The following WDR59 variants were observed in gnomAD, a reference collection of about 807,000 sequenced individuals.
The protein encoded by WDR59 is GATOR2 complex protein WDR59.
WDR59 carries 100 observed loss-of-function variants against 131.2 expected under a neutral mutation model. The ratio of observed to expected loss-of-function variants is 0.76; its 90% CI spans 0.65 to 0.90. The LOEUF is 0.90. Among genes scored for constraint, WDR59 ranks in the 40% least tolerant of loss-of-function variants. WDR59 has a pLI of 0.00. For missense variants in WDR59, 1,203 were observed against 1,262.2 expected, an observed-to-expected ratio of 0.95 and a Z score of 0.71; for synonymous variants, 601 against 466.2, an observed-to-expected ratio of 1.29 and a Z score of -3.72.
chr16:74,933,941 G>T (rs2031599254), intron 8 of WDR59, among the ~76,000 whole-genome samples: 1 of 152,180 alleles, frequency 6.6e-6, no homozygotes, highest in African/African-American at 2.4e-5. Flanking sequence ...CAGGTCCTAT[G>T]TTCAAAATAA....
Position 74,909,810 on chromosome 16 carries a change from C to T in WDR59, c.1485+12G>A. On this transcript the variant is annotated intron_variant, in intron 15 of 25. Transcript: ENST00000262144. ...AAAGCCTAAGTTGGTATGACAGTTT[C>T]ATGCTTCCCACCACAAAGGACTCAA... is the stretch of plus-strand genomic sequence containing the variant. 6.2e-7 allele frequency: 1 copy of T among 1,607,356 alleles called. No homozygotes were observed. Among genetic ancestry groups the T allele is most frequent in the East Asian group, 2.2e-5 (1 of 44,850 alleles).
intron 1 of WDR59, among the ~76,000 whole-genome samples, chr16:74,973,572 G>A (rs981645871): frequency 1.2e-4 from 19 of 152,026 alleles, no homozygotes; most frequent in African/African-American, 4.6e-4. Context: ...CAAGGCGTGA[G>A]CCACCATGCT....
chr16:74,930,248 C>T (rs1037842505), intron 8 of WDR59, among the ~76,000 whole-genome samples: 1 of 152,066 alleles, frequency 6.6e-6, no homozygotes, highest in South Asian at 2.1e-4. Context: ...TGATGGACAC[C>T]CAATTTGCCC....
intron 25 of WDR59, among the ~76,000 whole-genome samples, chr16:74,883,287 T>C (rs1347707722): frequency 6.6e-6 from 1 of 152,000 alleles, no homozygotes; most frequent in Non-Finnish European, 1.5e-5. Flanking sequence ...CCTCCCAAAG[T>C]GCTGGGATTA....
chr16:74,933,030 A>G (rs1195025336), intron 8 of WDR59, among the ~76,000 whole-genome samples: 1 of 152,208 alleles, frequency 6.6e-6, no homozygotes, highest in Non-Finnish European at 1.5e-5. Context: ...ATTTTCTTGT[A>G]AAAAATGCCT....
rs554099961 is a variant in WDR59, at chr16:74,938,192, G to A, written c.609C>T (p.Ser203=). The A allele has an allele frequency of 1.0e-4, 165 of 1,579,854 alleles. 2 individuals carry two copies. In the East Asian group the frequency reaches 3.6e-3, roughly 34 times the overall value. Residue 203 remains serine (S), a synonymous_variant, in exon 8 of 26, where the codon AGC becomes AGT. Coordinates refer to ENST00000262144, the MANE Select transcript of WDR59 (RefSeq NM_030581.4). Reference sequence around the variant, plus strand: ...GACTGGAGGTAGCAAGAATGTGCTCGCTGTCTGGGTGCCAGTCCAGGCCAT... The same window carrying A: ...GACTGGAGGTAGCAAGAATGTGCTCACTGTCTGGGTGCCAGTCCAGGCCAT... ...KIHGLDWHPD[S]EHILATSSQD...
intron 1 of WDR59, among the ~76,000 whole-genome samples, chr16:74,980,896 T>A (rs1489593969): frequency 1.4e-5 from 2 of 146,830 alleles, no homozygotes; most frequent in African/African-American, 5.1e-5. Flanking sequence ...ACCCAGGAGG[T>A]GGAGGTGACA....
intron 1 of WDR59, among the ~76,000 whole-genome samples, chr16:74,983,123 G>T (rs183210045): frequency 6.6e-6 from 1 of 152,136 alleles, no homozygotes; most frequent in South Asian, 2.1e-4. Context: ...TGGGAGAATC[G>T]CCTGAGGCCA....
At chr16:74,920,100 G>C (rs914715885) in intron 10 of WDR59, among the ~76,000 whole-genome samples, 2 of 150,472 alleles carry the variant, frequency 1.3e-5, no homozygotes, top group Non-Finnish European at 3.0e-5. Context: ...TGATGTCGAA[G>C]ACATGGCAGT....
chr16:74,880,011 C>G (rs1567681828), intron 25 of WDR59, among the ~76,000 whole-genome samples: 1 of 152,066 alleles, frequency 6.6e-6, no homozygotes, highest in Admixed American at 6.6e-5. Flanking sequence ...CAAAGTGAGA[C>G]TCTGTTTCTA....
chr16:74,883,557 C>T (rs1964619354), intron 25 of WDR59, among the ~76,000 whole-genome samples: 1 of 152,166 alleles, frequency 6.6e-6, no homozygotes, highest in Non-Finnish European at 1.5e-5. Flanking sequence ...TTGGTGAGGT[C>T]CTGGAGAAGA....
At chr16:74,922,216 G>T (rs2030310748) in intron 9 of WDR59, 113 bp from the exon 10 acceptor site, 1 of 1,362,568 alleles carries the variant, frequency 7.3e-7, no homozygotes, top group Non-Finnish European at 1.0e-6. Context: ...GATAATGGAA[G>T]GCCCCAACTC....
rs116216820 is a variant in WDR59 at position 74,886,551 on chromosome 16, C to T, written c.2420-155G>A. On this transcript the variant is annotated intron_variant, in intron 23 of 25. Transcript: ENST00000262144. ...GAGAAATATAACTAAATAGAACTCT[C>T]TCCTACCCTTGCCTTTTTGCGCAGG... The T allele has an allele frequency of 3.8e-3, 4,014 of 1,043,240 alleles. 76 individuals are homozygous for T. The African/African-American group carries it at 0.049, about 13-fold the overall frequency. 64.6% of individuals were successfully genotyped at this position (1,043,240 alleles called of 1,614,324 possible).
At chr16:74,981,243 G>A (rs1401894500) in intron 1 of WDR59, among the ~76,000 whole-genome samples, 1 of 151,718 alleles carries the variant, frequency 6.6e-6, no homozygotes, top group Non-Finnish European at 1.5e-5. Flanking sequence ...AGGCGTGGTG[G>A]TGGGCGCCTG....
At chr16:74,965,993 A>T (rs2033760204) in intron 1 of WDR59, among the ~76,000 whole-genome samples, 171 bp from the exon 2 acceptor site, 1 of 152,006 alleles carries the variant, frequency 6.6e-6, no homozygotes, top group Non-Finnish European at 1.5e-5. Flanking sequence ...TTACAACCCA[A>T]TTCCACATTC....
chr16:74,946,976 A>G (rs2032684907), intron 6 of WDR59, among the ~76,000 whole-genome samples: 1 of 152,224 alleles, frequency 6.6e-6, no homozygotes, highest in Admixed American at 6.5e-5. Context: ...AATATTGACA[A>G]TTTAGCTTTA....
chr16:74,960,649 G>A (rs984649273), intron 2 of WDR59, among the ~76,000 whole-genome samples: 4 of 151,620 alleles, frequency 2.6e-5, no homozygotes, highest in Non-Finnish European at 5.9e-5. Context: ...GGAGGCTGAG[G>A]CATGAAAATC....
chr16:74,921,999 G>A lies in WDR59; in HGVS notation c.834C>T (p.Phe278=), dbSNP rs748596163. 4.0e-5 allele frequency: 65 copies of A among 1,614,072 alleles called. No homozygotes were observed. In the East Asian group the frequency reaches 1.3e-3, roughly 33 times the overall value. ...CCAGGACCACATCATCATGCCCCAC[G>A]AAGGTGTGGACTGGGGTGTTCAAGT... The part of the protein sequence containing the change: ...VFDLNTPVHT[F]VGHDDVVLEF... The change falls in exon 10 of 26, where the codon TTC becomes TTT. Residue 278 remains phenylalanine (F), a synonymous_variant. Transcript: ENST00000262144.
chr16:74,880,213 C>T (rs919940942), intron 25 of WDR59, among the ~76,000 whole-genome samples: 6 of 151,988 alleles, frequency 3.9e-5, no homozygotes, highest in South Asian at 2.1e-4. Flanking sequence ...TTTGGGAGGC[C>T]GAGGCAGGAG....
Sources: allele counts gnomAD v4.1 joint callset (sites outside exome capture counted in the v4.1 genomes callset), GRCh38; gene constraint gnomAD v4.1.1; transcripts MANE v1.5; gene names NCBI Gene and HGNC (gene_info 2026-07-23, HGNC 2026-07-21).